USP24: variants seen among roughly 807,000 people sequenced by gnomAD.
USP24 encodes ubiquitin carboxyl-terminal hydrolase 24.
USP24 carries 97 observed loss-of-function variants against 361.6 expected under a neutral mutation model. That is an observed-to-expected ratio of 0.27 (90% CI 0.23 to 0.32). USP24 has a LOEUF of 0.32. Among genes scored for constraint, USP24 ranks in the 10% least tolerant of loss-of-function variants. The probability of loss-of-function intolerance (pLI) is 1.00; values close to 1 mark genes in which losing one functional copy is unlikely to be tolerated. For missense variants in USP24, 2,353 were observed against 3,165.6 expected (o/e 0.74, Z 6.16); for synonymous variants, 1,098 against 1,124.6 (o/e 0.98, Z 0.47).
Position 55,089,583 on chromosome 1 carries a change from G to C in USP24, c.6668+44C>G, listed in dbSNP as rs781312105. The C allele has an allele frequency of 3.0e-6, 4 of 1,348,096 alleles. No individual in the cohort carries two copies. The South Asian group carries it at 5.4e-5, about 18-fold the overall frequency. 83.5% of individuals were successfully genotyped at this position (1,348,096 alleles called of 1,614,324 possible). On this transcript the variant is annotated intron_variant, in intron 55 of 67. Coordinates refer to ENST00000294383, the MANE Select transcript of USP24 (RefSeq NM_015306.3). Reference sequence around the variant, plus strand: ...AAGAAACTTCAGCTCTAAATCACTGGAAGAGACACAAATTTCTTTTAATTA... The same window carrying C: ...AAGAAACTTCAGCTCTAAATCACTGCAAGAGACACAAATTTCTTTTAATTA...
chr1:55,103,600 A>G (rs1443453096), intron 42 of USP24, among the ~76,000 whole-genome samples: 1 of 152,224 alleles, frequency 6.6e-6, no homozygotes, highest in African/African-American at 2.4e-5. Flanking sequence ...AAAGTCACTG[A>G]AAAAATAGGT....
intron 50 of USP24, 77 bp downstream of exon 50, chr1:55,096,421 A>G: frequency 8.4e-7 from 1 of 1,188,182 alleles, no homozygotes; most frequent in Non-Finnish European, 1.1e-6. Context: ...GTGTTTTTAT[A>G]TAAAGAATAC....
chr1:55,136,563 T>C (rs1646741551), intron 28 of USP24, among the ~76,000 whole-genome samples: 1 of 152,086 alleles, frequency 6.6e-6, no homozygotes, highest in African/African-American at 2.4e-5. Context: ...AGGTGAGGCA[T>C]GGTGATTGCC....
chr1:55,157,123 T>A, intron 11 of USP24, 72 bp from the exon 12 acceptor site: 1 of 1,440,840 alleles, frequency 6.9e-7, no homozygotes, highest in Non-Finnish European at 9.6e-7. Context: ...TTCTATTGAT[T>A]CAAAACAATA....
intron 48 of USP24, 60 bp from the exon 49 acceptor site, chr1:55,097,232 G>A: frequency 6.5e-7 from 1 of 1,546,476 alleles, no homozygotes; most frequent in Non-Finnish European, 8.8e-7. Context: ...GCAGTACCCA[G>A]TTAAGTGAGA....
In USP24 at chr1:55,068,924, G is replaced by T; in HGVS notation, c.*121C>A. On this transcript the variant is annotated 3_prime_UTR_variant, in exon 68 of 68. Coordinates refer to ENST00000294383, the MANE Select transcript of USP24 (RefSeq NM_015306.3). ...CTTGAGAAATACACGATCCGCCCAA[G>T]TCACAGCAGCTTTCCCAGTCCAATC... 9.3e-7 allele frequency: 1 copy of T among 1,079,982 alleles called. No individual in the cohort carries two copies. The highest frequency in any genetic ancestry group is 1.4e-6 in the Non-Finnish European group (1 of 721,326). 66.9% of individuals were successfully genotyped at this position (1,079,982 alleles called of 1,614,324 possible).
At chr1:55,079,098 C>T (rs1302489778) in intron 60 of USP24, among the ~76,000 whole-genome samples, 1 of 151,946 alleles carries the variant, frequency 6.6e-6, no homozygotes, top group African/African-American at 2.4e-5. Flanking sequence ...GGCGGCTCTG[C>T]TGGAAGGGGA....
At chr1:55,133,979 G>A (rs1021128333) in intron 30 of USP24, 91 bp downstream of exon 30, 7 of 1,118,094 alleles carry the variant, frequency 6.3e-6, no homozygotes, top group Non-Finnish European at 9.3e-6. Context: ...GGGAAAGATG[G>A]TATCATATGA....
At chr1:55,120,100 G>T (rs1446060185) in intron 38 of USP24, among the ~76,000 whole-genome samples, 1 of 152,158 alleles carries the variant, frequency 6.6e-6, no homozygotes, top group African/African-American at 2.4e-5. Context: ...CATGCATGCA[G>T]GCTCACTTGT....
intron 66 of USP24, 46 bp downstream of exon 66, chr1:55,072,271 C>T (rs757142330): frequency 4.9e-5 from 75 of 1,538,940 alleles, no homozygotes; most frequent in South Asian, 4.2e-4. Flanking sequence ...ACTGAAAATC[C>T]TCCATAAGTG....
rs564079528 is a variant in USP24, at chr1:55,201,016, T to C, written c.324+13774A>G. Among the ~76,000 whole-genome samples the C allele has an allele frequency of 8.5e-5, 13 of 152,294 alleles. No individual in the cohort carries two copies. In the South Asian group the frequency reaches 2.7e-3, roughly 32 times the overall value. ...GTATACATTATAAAGACACCGGCAATAGCTCAAAAAATGTTCCTTCCCACC... is the reference window on the plus strand; with the variant it reads ...GTATACATTATAAAGACACCGGCAACAGCTCAAAAAATGTTCCTTCCCACC... On this transcript the variant is annotated intron_variant, in intron 1 of 67. Coordinates refer to ENST00000294383, the MANE Select transcript of USP24 (RefSeq NM_015306.3).
intron 1 of USP24, among the ~76,000 whole-genome samples, chr1:55,211,257 C>T (rs1174796631): frequency 1.3e-5 from 2 of 152,158 alleles, no homozygotes; most frequent in Non-Finnish European, 2.9e-5. Context: ...AGCTCACTCT[C>T]TTTAATAATA....
intron 17 of USP24, among the ~76,000 whole-genome samples, chr1:55,148,097 G>C (rs1647081063): frequency 6.6e-6 from 1 of 151,808 alleles, no homozygotes; most frequent in African/African-American, 2.4e-5. Flanking sequence ...TCCTTCCCAA[G>C]TCTATACATT....
chr1:55,193,980 A>G (rs899429683), intron 1 of USP24, among the ~76,000 whole-genome samples: 2 of 152,168 alleles, frequency 1.3e-5, no homozygotes, highest in Non-Finnish European at 2.9e-5. Flanking sequence ...AAGTATTCCA[A>G]TTCCTCCTAA....
rs143014800 is a variant in USP24, at chr1:55,074,635, AAAATAAAT to A, written c.7448-737_7448-730del. 7.8e-3 allele frequency among the ~76,000 whole-genome samples: 1,088 copies of A among 138,934 alleles called. 3 individuals are homozygous for A. Among genetic ancestry groups the A allele is most frequent in the Middle Eastern group, 0.014 (4 of 278 alleles). The allele number at this position is 138,934 out of a possible 152,430, so 91.1% of individuals were successfully genotyped here. The stretch of plus-strand genomic sequence containing the variant: ...GAAGACAAAGTGAGACCCTGTCTCA[AAAATAAAT>A]AAATAAATAAATAAATAAATAAATA... On this transcript the variant is annotated intron_variant, in intron 63 of 67. Transcript: ENST00000294383.
At chr1:55,184,737 T>C (rs867441097) in intron 1 of USP24, among the ~76,000 whole-genome samples, 13 of 152,310 alleles carry the variant, frequency 8.5e-5, no homozygotes, top group African/African-American at 2.6e-4. Context: ...AAATATGTTG[T>C]CTGACTGCAA....
chr1:55,124,321 T>G (rs1646365166), intron 35 of USP24, 148 bp downstream of exon 35: 2 of 840,368 alleles, frequency 2.4e-6, no homozygotes, highest in Admixed American at 2.8e-5. Context: ...AAATACTAAG[T>G]GTATACAGAG....
rs1198526633 is a variant in USP24 at position 55,214,845 on chromosome 1, C to T, written c.269G>A (p.Gly90Glu). The change falls in exon 1 of 68, where the codon GGA becomes GAA. Residue 90 changes from glycine (G) to glutamate (E), a missense_variant. Physicochemically the swap from Gly to Glu is moderately conservative, Grantham distance 98 (BLOSUM62 -2). Transcript: ENST00000294383. Reference protein sequence around the residue: ...GGGPSRGGSTGGGGGFDPPPA... With the variant: ...GGGPSRGGSTEGGGGFDPPPA... ...CGGGGGGTCGAAGCCGCCCCCGCCT[C>T]CGGTGCTCCCGCCGCGGGAGGGGCC... is the stretch of plus-strand genomic sequence containing the variant. The T allele has an allele frequency of 8.3e-5, 102 of 1,223,498 alleles. No individual in the cohort carries two copies. Among genetic ancestry groups the T allele is most frequent in the Non-Finnish European group, 9.7e-5 (95 of 974,828 alleles). The allele number at this position is 1,223,498 out of a possible 1,614,324, so 75.8% of individuals were successfully genotyped here.
At chr1:55,142,103 T>C (rs953186125) in intron 23 of USP24, among the ~76,000 whole-genome samples, 1 of 152,186 alleles carries the variant, frequency 6.6e-6, no homozygotes, top group Admixed American at 6.5e-5. Flanking sequence ...CTAGCACATA[T>C]TTATCACCAG....
Sources: allele counts gnomAD v4.1 joint callset (sites outside exome capture counted in the v4.1 genomes callset), GRCh38; gene constraint gnomAD v4.1.1; transcripts MANE v1.5; gene names NCBI Gene and HGNC (gene_info 2026-07-23, HGNC 2026-07-21).